The following SOX5 variants were observed in gnomAD, a reference collection of about 807,000 sequenced individuals.
SOX5 encodes the protein SRY-box transcription factor 5.
Under a neutral mutation model 92.0 loss-of-function variants are expected in SOX5, and 9 were observed. The ratio of observed to expected loss-of-function variants is 0.10; its 90% confidence interval spans 0.06 to 0.17. SOX5 has a LOEUF of 0.17. Ranked by LOEUF, SOX5 falls within the 10% of genes least tolerant of loss-of-function variation. SOX5 has a pLI of 1.00. For synonymous variants in SOX5, 344 were observed against 336.3 expected, an observed-to-expected ratio of 1.02 and a Z score of -0.25; for missense variants, 642 against 944.5, an observed-to-expected ratio of 0.68 and a Z score of 4.20.
chr12:24,429,625 TACACACACAC>T (rs148679940), intron 1 of SOX5, among the ~76,000 whole-genome samples: 3 of 140,704 alleles, frequency 2.1e-5, no homozygotes, highest in Non-Finnish European at 4.7e-5. Flanking sequence ...CACACACACA[TACACACACAC>T]ACACACACAC....
intron 1 of SOX5, among the ~76,000 whole-genome samples, chr12:23,896,758 C>A (rs1473115305): frequency 2.0e-5 from 3 of 147,030 alleles, no homozygotes; most frequent in Non-Finnish European, 4.5e-5. Context: ...TATTTCAATT[C>A]TATTTTCACA....
At chr12:24,186,681 TAAAC>T (rs1956047625) in intron 4 of SOX5, among the ~76,000 whole-genome samples, 1 of 152,058 alleles carries the variant, frequency 6.6e-6, no homozygotes, top group Non-Finnish European at 1.5e-5. Context: ...TATATGCCCT[TAAAC>T]AAAAAAGTAG....
At chr12:23,929,059 C>A (rs1940782377) in intron 1 of SOX5, among the ~76,000 whole-genome samples, 1 of 151,312 alleles carries the variant, frequency 6.6e-6, no homozygotes, top group Non-Finnish European at 1.5e-5. Context: ...AACAAAAACA[C>A]AGAAAAGCTT....
intron 3 of SOX5, among the ~76,000 whole-genome samples, chr12:23,798,854 G>T (rs1034347691): frequency 5.9e-5 from 9 of 151,892 alleles, no homozygotes; most frequent in Non-Finnish European, 1.2e-4. Flanking sequence ...TATTTGTAAA[G>T]AAAATTTGAT....
At chr12:23,590,093 C>CT (rs1376907375) in intron 9 of SOX5, among the ~76,000 whole-genome samples, 9 of 151,810 alleles carry the variant, frequency 5.9e-5, no homozygotes, top group Admixed American at 5.3e-4. Context: ...GCTAGTGGTG[C>CT]TAAAAAAGAG....
intron 2 of SOX5, among the ~76,000 whole-genome samples, chr12:23,892,443 G>A (rs1378499728): frequency 6.6e-6 from 1 of 152,184 alleles, no homozygotes; most frequent in African/African-American, 2.4e-5. Flanking sequence ...TTTGATGCTA[G>A]TCTATAGAGA....
intron 1 of SOX5, among the ~76,000 whole-genome samples, chr12:24,518,539 T>C (rs1294499302): frequency 6.6e-6 from 1 of 152,144 alleles, no homozygotes; most frequent in Admixed American, 6.5e-5. Flanking sequence ...CAGCCAAATA[T>C]ATTTAGAATA....
At chr12:24,017,552 A>G (rs368559443) in intron 4 of SOX5, among the ~76,000 whole-genome samples, 1 of 152,066 alleles carries the variant, frequency 6.6e-6, no homozygotes, top group East Asian at 1.9e-4. Flanking sequence ...GTGAGCCAAG[A>G]TCGCGCCCCT....
intron 4 of SOX5, among the ~76,000 whole-genome samples, chr12:24,080,069 T>C (rs1467568146): frequency 1.3e-5 from 2 of 151,978 alleles, no homozygotes; most frequent in African/African-American, 4.8e-5. Context: ...TATATTGTTT[T>C]AACTTCAGGA....
At chr12:23,737,775 C>A (rs2093657931) in intron 5 of SOX5, among the ~76,000 whole-genome samples, 1 of 152,146 alleles carries the variant, frequency 6.6e-6, no homozygotes, top group Non-Finnish European at 1.5e-5. Flanking sequence ...ATTCCTGCTT[C>A]TGGGCCTTTG....
At chr12:23,626,886 C>T (rs2138279352) in intron 8 of SOX5, among the ~76,000 whole-genome samples, 1 of 152,178 alleles carries the variant, frequency 6.6e-6, no homozygotes, top group Non-Finnish European at 1.5e-5. Context: ...AAAAAGAAGA[C>T]ACTGGCAATG....
chr12:24,142,653 C>T (rs946435452), intron 4 of SOX5, among the ~76,000 whole-genome samples: 2 of 151,830 alleles, frequency 1.3e-5, no homozygotes, highest in African/African-American at 4.8e-5. Flanking sequence ...TATTGAACAT[C>T]AGGCAACAGA....
At chr12:23,561,229 C>T (rs1052774230) in intron 11 of SOX5, among the ~76,000 whole-genome samples, 3 of 152,156 alleles carry the variant, frequency 2.0e-5, no homozygotes, top group East Asian at 1.9e-4. Context: ...TAGCTATCAA[C>T]GGAGGCAACT....
At chr12:24,278,989 T>C (rs1249500278) in intron 2 of SOX5, among the ~76,000 whole-genome samples, 1 of 151,898 alleles carries the variant, frequency 6.6e-6, no homozygotes, top group Non-Finnish European at 1.5e-5. Flanking sequence ...TGTCATATCA[T>C]ATATTTGGGT....
At chr12:24,486,581 C>T (rs556018777) in intron 1 of SOX5, among the ~76,000 whole-genome samples, 6 of 152,336 alleles carry the variant, frequency 3.9e-5, no homozygotes, top group African/African-American at 9.6e-5. Flanking sequence ...CGATCTTTCT[C>T]AAGCCCCCTC....
chr12:24,378,357 A>G (rs1256051136), intron 1 of SOX5, among the ~76,000 whole-genome samples: 1 of 152,196 alleles, frequency 6.6e-6, no homozygotes, highest in Non-Finnish European at 1.5e-5. Context: ...TTTGCATCCG[A>G]TTTCCTGCCA....
In SOX5 at chr12:24,078,397, G is replaced by C. The variant is rs189833436; in HGVS notation, c.-2+134946C>G. ...AATATGAGCCACAGTTATTGAACCT[G>C]TGATTACCTGGACAAGGGTAAGCAA... On this transcript the variant is annotated intron_variant, in intron 4 of 4. Transcript: ENST00000446891. Among the ~76,000 whole-genome samples the C allele has an allele frequency of 2.0e-5, 3 of 152,166 alleles. No individual in the cohort carries two copies. In the East Asian group the frequency reaches 5.8e-4, roughly 30 times the overall value.
intron 3 of SOX5, among the ~76,000 whole-genome samples, chr12:23,779,843 G>T (rs1041854140): frequency 2.4e-5 from 2 of 83,370 alleles, no homozygotes. Context: ...ACACACATAT[G>T]CATACATACA....
intron 4 of SOX5, among the ~76,000 whole-genome samples, chr12:24,132,737 C>T (rs1949764939): frequency 6.6e-6 from 1 of 152,022 alleles, no homozygotes; most frequent in Non-Finnish European, 1.5e-5. Flanking sequence ...AACGCCACCA[C>T]CAAATGATGA....
Sources: allele counts gnomAD v4.1 joint callset (sites outside exome capture counted in the v4.1 genomes callset), GRCh38; gene constraint gnomAD v4.1.1; transcripts MANE v1.5; gene names NCBI Gene and HGNC (gene_info 2026-07-23, HGNC 2026-07-21).